Variants in FHL1 observed in about 807,000 individuals in gnomAD.
FHL1 encodes four and a half LIM domains 1, also known as four and a half LIM domains protein 1.
In FHL1, 1 loss-of-function variant was observed where a neutral mutation model predicts 20.3. The observed-to-expected ratio is 0.05, with a 90% confidence interval of 0.02 to 0.23. The LOEUF (loss-of-function observed/expected upper bound fraction) is 0.23. Among genes scored for constraint, FHL1 ranks in the 10% least tolerant of loss-of-function variants. FHL1 has a pLI of 1.00. For missense variants in FHL1, 177 were observed against 234.0 expected (o/e 0.76, Z 1.59); for synonymous variants, 82 against 88.9 (o/e 0.92, Z 0.44).
intron 1 of FHL1, among the ~76,000 whole-genome samples, chrX:136,158,575 C>T (rs972548544): frequency 1.8e-5 from 2 of 111,022 alleles, no homozygotes; most frequent in South Asian, 3.9e-4. Context: ...ATCTCCAGAC[C>T]GAGAGGGCAG....
rs1209739637 is a variant in FHL1, at chrX:136,207,942, A to G, written c.530A>G (p.His177Arg). The change falls in exon 4 of 6, where the codon CAT becomes CGT. Residue 177 changes from histidine to arginine, a missense_variant. By Grantham distance (29) the His-to-Arg change is conservative. Coordinates refer to ENST00000370683, the MANE Select transcript of FHL1 (RefSeq NM_001159699.2). ...VTCHETKFAKHCVKCNKAITS... is the reference protein window; with the variant it reads ...VTCHETKFAKRCVKCNKAITS... ...TGCCATGAGACCAAGTTTGCCAAGC[A>G]TTGCGTGAAGTGCAACAAGGTATGC... 8.2e-7 allele frequency: 1 copy of G among 1,212,480 alleles called. No individual in the cohort carries two copies. The highest frequency in any genetic ancestry group is 1.7e-5 in the African/African-American group (1 of 58,007).
intron 2 of FHL1, among the ~76,000 whole-genome samples, chrX:136,174,766 G>C (rs892936021): frequency 1.8e-5 from 2 of 111,123 alleles, no homozygotes; most frequent in African/African-American, 6.6e-5. Flanking sequence ...TTTAAATTAA[G>C]TGCTTCTGGT....
At chrX:136,209,492 T>C (rs2073947061) in intron 5 of FHL1, 1 of 1,142,881 alleles carries the variant, frequency 8.7e-7, no homozygotes, top group African/African-American at 1.8e-5. Flanking sequence ...GGTGGCCACT[T>C]TGATGTCATG....
chrX:136,190,795 A>G (rs1011003840), intron 2 of FHL1, among the ~76,000 whole-genome samples: 2 of 111,997 alleles, frequency 1.8e-5, no homozygotes, highest in African/African-American at 6.5e-5. Context: ...CGGAGTCCAG[A>G]CACTCAGCTT....
chrX:136,183,134 AC>A lies in FHL1; in HGVS notation c.-27+13155del, dbSNP rs1434978129. On this transcript the variant is annotated intron_variant, in intron 2 of 6. Coordinates refer to the FHL1 transcript ENST00000394153. ...CAAAAAACAAACAAACAAAAAAAAA[AC>A]AGAAAATATATTTTGGGCAGAGATT... Among the ~76,000 whole-genome samples the A allele has an allele frequency of 9.1e-5, 10 of 110,293 alleles. No homozygotes were observed. The South Asian group carries it at 3.1e-3, about 34-fold the overall frequency.
chrX:136,170,249 A>G (rs2072826249), intron 2 of FHL1, among the ~76,000 whole-genome samples: 1 of 112,134 alleles, frequency 8.9e-6, no homozygotes, highest in Admixed American at 9.4e-5. Context: ...GTCTGCTTTA[A>G]AGTAAAGATC....
At chrX:136,186,863 A>AT (rs1183891276) in intron 2 of FHL1, among the ~76,000 whole-genome samples, 3 of 9,295 alleles carry the variant, frequency 3.2e-4, no homozygotes, top group African/African-American at 4.2e-4. Flanking sequence ...CAAAAAAAAA[A>AT]AAATATATAT....
rs771865065 is a variant in FHL1 at position 136,210,125 on chromosome X, C to G, written c.*100C>G. On this transcript the variant is annotated 3_prime_UTR_variant, in exon 6 of 6. Coordinates refer to ENST00000370683, the MANE Select transcript of FHL1 (RefSeq NM_001159699.2). ...ATCAATAGGGGAAGAGTGGTCCTTC[C>G]CTTCTTTAAAGTTCTCCTTCCGTCT... The G allele has an allele frequency of 5.6e-5, 62 of 1,099,570 alleles. No individual in the cohort carries two copies. The Admixed American group carries it at 1.3e-3, about 23-fold the overall frequency. 90.6% of individuals were successfully genotyped at this position (1,099,570 alleles called of 1,213,427 possible).
chrX:136,152,457 C>T (rs1012013619), intron 1 of FHL1, among the ~76,000 whole-genome samples: 3 of 111,735 alleles, frequency 2.7e-5, no homozygotes, highest in African/African-American at 6.5e-5. Context: ...CAGTGGCTTA[C>T]GCCTGTAATC....
At chrX:136,179,859 T>TA (rs1350231956) in intron 2 of FHL1, among the ~76,000 whole-genome samples, 1 of 111,791 alleles carries the variant, frequency 8.9e-6, no homozygotes, top group East Asian at 2.8e-4. Flanking sequence ...AAGTTGAAAT[T>TA]ATACAGTGAA....
intron 1 of FHL1, among the ~76,000 whole-genome samples, chrX:136,199,933 G>A (rs5974586): frequency 9.0e-6 from 1 of 110,565 alleles, no homozygotes; most frequent in Non-Finnish European, 1.9e-5. Context: ...CAAATCGACT[G>A]TAATGAGAGG....
intron 1 of FHL1, among the ~76,000 whole-genome samples, chrX:136,153,986 A>G (rs192823957): frequency 1.8e-5 from 2 of 111,694 alleles, no homozygotes; most frequent in East Asian, 5.6e-4. Context: ...AGCTCCTTCA[A>G]ATTTCTCCTC....
intron 2 of FHL1, 77 bp from the exon 3 acceptor site, chrX:136,206,939 A>G: frequency 1.8e-6 from 2 of 1,103,074 alleles, no homozygotes; most frequent in Non-Finnish European, 2.5e-6. Context: ...TCCCAGGGAA[A>G]TCAGCCTTAT....
At chrX:136,207,349 A>T (rs2073870711) in intron 3 of FHL1, 159 bp downstream of exon 3, 1 of 501,059 alleles carries the variant, frequency 2.0e-6, no homozygotes, top group Non-Finnish European at 3.3e-6. Context: ...ATGCGTACAC[A>T]TATATGCTCG....
At chrX:136,169,433 T>A (rs1276975158), upstream of FHL1, 1 of 181,344 alleles carries the variant, frequency 5.5e-6, no homozygotes, top group Non-Finnish European at 1.0e-5. Context: ...CCTCTAAATA[T>A]TCCTCTAGTG....
intron 1 of FHL1, among the ~76,000 whole-genome samples, chrX:136,158,546 GA>G (rs67802520): frequency 0.029 from 3,208 of 111,087 alleles, 120 homozygotes; most frequent in African/African-American, 0.099. Context: ...TTTCTCATGA[GA>G]AAGCCATTTT....
intron 2 of FHL1, among the ~76,000 whole-genome samples, chrX:136,180,616 TC>T (rs1273654556): frequency 8.9e-6 from 1 of 112,633 alleles, no homozygotes; most frequent in Non-Finnish European, 1.9e-5. Context: ...AATTATACTT[TC>T]GCAAGTATAT....
chrX:136,171,095 C>T (rs1235304346), intron 2 of FHL1, among the ~76,000 whole-genome samples: 4 of 111,615 alleles, frequency 3.6e-5, no homozygotes, highest in African/African-American at 9.8e-5. Context: ...TGGTGGTAGT[C>T]GGAAGTCCTT....
At chrX:136,207,358 C>T (rs900882220) in intron 3 of FHL1, 168 bp downstream of exon 3, 29 of 463,965 alleles carry the variant, frequency 6.3e-5, no homozygotes, top group Non-Finnish European at 9.1e-5. Flanking sequence ...CATATATGCT[C>T]GCACACACGC....
Sources: allele counts gnomAD v4.1 joint callset (sites outside exome capture counted in the v4.1 genomes callset), GRCh38; gene constraint gnomAD v4.1.1; transcripts MANE v1.5; gene names NCBI Gene and HGNC (gene_info 2026-07-23, HGNC 2026-07-21).